ASCC3: variants seen among roughly 807,000 people sequenced by gnomAD.
ASCC3 encodes ASC-1 complex subunit P200.
ASCC3 carries 158 observed loss-of-function variants against 256.3 expected under a neutral mutation model. The ratio of observed to expected loss-of-function variants is 0.62; its 90% CI spans 0.54 to 0.70. ASCC3 has a LOEUF of 0.70. Ranked by LOEUF, ASCC3 falls within the 30% of genes least tolerant of loss-of-function variation. The probability of loss-of-function intolerance (pLI) is 0.00; values close to 1 mark genes in which losing one functional copy is unlikely to be tolerated. For missense variants in ASCC3, 2,259 were observed against 2,626.0 expected (o/e 0.86, Z 3.05); for synonymous variants, 948 against 883.4 (o/e 1.07, Z -1.30).
intron 13 of ASCC3, among the ~76,000 whole-genome samples, chr6:100,710,079 C>A (rs1347072024): frequency 6.6e-6 from 1 of 152,160 alleles, no homozygotes; most frequent in African/African-American, 2.4e-5. Flanking sequence ...TGCTCTAATT[C>A]TTCTTTGCAG....
At chr6:100,871,253 G>A (rs752680773) in intron 1 of ASCC3, among the ~76,000 whole-genome samples, 7 of 151,858 alleles carry the variant, frequency 4.6e-5, no homozygotes, top group South Asian at 2.1e-4. Context: ...GCACCACCAC[G>A]CCCGGCTAAT....
intron 36 of ASCC3, among the ~76,000 whole-genome samples, chr6:100,572,556 A>C (rs1438008377): frequency 2.0e-5 from 3 of 152,190 alleles, no homozygotes; most frequent in African/African-American, 4.8e-5. Flanking sequence ...AATAACAAAC[A>C]AACTAAGAAA....
chr6:100,642,089 G>A lies in ASCC3; in HGVS notation c.3901+492C>T, dbSNP rs140310793. Among the ~76,000 whole-genome samples, 445 of 151,472 alleles carry A rather than the reference G, an allele frequency of 2.9e-3. 1 individual carries two copies. Among genetic ancestry groups the A allele is most frequent in the Middle Eastern group, 0.01 (3 of 294 alleles). ...AATGACGAGTTAATAGGTGCAGCAC[G>A]CCAACATGGCACATGTACACATATG... On this transcript the variant is annotated intron_variant, in intron 24 of 41. Coordinates refer to ENST00000369162, the MANE Select transcript of ASCC3 (RefSeq NM_006828.4).
chr6:100,861,839 A>T lies in ASCC3; in HGVS notation c.241+2225T>A, dbSNP rs1474570938. Among the ~76,000 whole-genome samples, 10 of 152,210 alleles carry T rather than the reference A, an allele frequency of 6.6e-5. No individual in the cohort carries two copies. In the East Asian group the frequency reaches 1.7e-3, roughly 26 times the overall value. On this transcript the variant is annotated intron_variant, in intron 3 of 41. Transcript: ENST00000369162. ...ATATTTAATGACTGGTATTTAAAACAATCTTTTTTGACTTGTGGCCAGAGA... is the reference window on the plus strand; with the variant it reads ...ATATTTAATGACTGGTATTTAAAACTATCTTTTTTGACTTGTGGCCAGAGA...
rs1184228792 is a variant in ASCC3, at chr6:100,705,430, CTG to C, written c.2151+10030_2151+10031del. ...ATTCATTTGTTTATTTAAGATAAAACTGTTAATTTTTTGCCTAAAAAGTGTTT... is the reference window on the plus strand; with the variant it reads ...ATTCATTTGTTTATTTAAGATAAAACTTAATTTTTTGCCTAAAAAGTGTTT... On this transcript the variant is annotated intron_variant, in intron 13 of 41. Coordinates refer to ENST00000369162, the MANE Select transcript of ASCC3 (RefSeq NM_006828.4). 2.6e-5 allele frequency among the ~76,000 whole-genome samples: 4 copies of C among 152,086 alleles called. No individual in the cohort carries two copies. In the East Asian group the frequency reaches 7.7e-4, roughly 29 times the overall value.
At chr6:100,854,724 T>G (rs889399064) in intron 3 of ASCC3, among the ~76,000 whole-genome samples, 3 of 152,176 alleles carry the variant, frequency 2.0e-5, no homozygotes, top group African/African-American at 7.2e-5. Flanking sequence ...AATTACAATG[T>G]AACTTCCCAA....
chr6:100,725,561 A>C lies in ASCC3; in HGVS notation c.1880T>G (p.Ile627Arg). The C allele has an allele frequency of 6.2e-7, 1 of 1,612,606 alleles. No individual in the cohort carries two copies. Among genetic ancestry groups the C allele is most frequent in the African/African-American group, 1.3e-5 (1 of 74,958 alleles). The stretch of plus-strand genomic sequence containing the variant: ...TACCTGCCGTAAAGTACGGGCAACT[A>C]TGCTTTCTAATACTGGTCCTCTATC... ...HEDRGPVLES[I>R]VARTLRQVES... The change falls in exon 11 of 42, where the codon ATA becomes AGA. Residue 627 changes from isoleucine to arginine, a missense_variant. By Grantham distance (97) the Ile-to-Arg change is moderately conservative. This residue lies in a region of ASCC3 where 1,839 missense variants were observed against 2,206.7 expected (regional missense o/e 0.83). Coordinates refer to ENST00000369162, the MANE Select transcript of ASCC3 (RefSeq NM_006828.4).
At chr6:100,544,322 G>A (rs977575617) in intron 36 of ASCC3, among the ~76,000 whole-genome samples, 6 of 151,940 alleles carry the variant, frequency 3.9e-5, no homozygotes, top group African/African-American at 1.4e-4. Context: ...GAAAATTAAA[G>A]TGAACAAATC....
At chr6:100,685,285 G>C (rs1456734153) in intron 13 of ASCC3, among the ~76,000 whole-genome samples, 1 of 152,206 alleles carries the variant, frequency 6.6e-6, no homozygotes, top group Non-Finnish European at 1.5e-5. Flanking sequence ...GCTTGGGGTA[G>C]GGAGGGTCAT....
intron 13 of ASCC3, among the ~76,000 whole-genome samples, chr6:100,701,700 T>C (rs12201852): frequency 0.45 from 68,881 of 151,886 alleles, 15,839 homozygotes; most frequent in South Asian, 0.6. Context: ...AAACTATAGC[T>C]GGAATTACGA....
intron 10 of ASCC3, among the ~76,000 whole-genome samples, chr6:100,758,434 T>C (rs527343512): frequency 1.3e-5 from 2 of 152,282 alleles, no homozygotes; most frequent in African/African-American, 4.8e-5. Context: ...GTGTTCTCCC[T>C]GTGTCCATGT....
At chr6:100,750,751 C>A (rs765933373) in intron 10 of ASCC3, among the ~76,000 whole-genome samples, 1 of 151,872 alleles carries the variant, frequency 6.6e-6, no homozygotes, top group Non-Finnish European at 1.5e-5. Context: ...AGATGCTTAA[C>A]AAACAAAAGC....
chr6:100,655,187 A>C (rs1775858831), intron 17 of ASCC3, among the ~76,000 whole-genome samples: 1 of 152,074 alleles, frequency 6.6e-6, no homozygotes, highest in South Asian at 2.1e-4. Context: ...AACTGCTATC[A>C]AATGCATCTA....
chr6:100,788,798 T>G (rs886311662), intron 8 of ASCC3, among the ~76,000 whole-genome samples: 2 of 151,982 alleles, frequency 1.3e-5, no homozygotes, highest in African/African-American at 4.8e-5. Flanking sequence ...ATATGACATT[T>G]TGGAAAAGTC....
intron 13 of ASCC3, among the ~76,000 whole-genome samples, chr6:100,682,975 A>G (rs949106476): frequency 2.0e-5 from 3 of 152,126 alleles, no homozygotes; most frequent in African/African-American, 7.2e-5. Flanking sequence ...TGAATTATTA[A>G]CAACTACTGA....
intron 1 of ASCC3, among the ~76,000 whole-genome samples, chr6:100,869,201 T>C (rs973399242): frequency 2.6e-5 from 4 of 152,130 alleles, no homozygotes; most frequent in Admixed American, 1.3e-4. Context: ...CCAATGATGC[T>C]ACTAAACATA....
At chr6:100,639,488 C>T (rs1775007236) in intron 24 of ASCC3, among the ~76,000 whole-genome samples, 1 of 152,088 alleles carries the variant, frequency 6.6e-6, no homozygotes, top group African/African-American at 2.4e-5. Context: ...TTATATTTTC[C>T]ATAATCCAGA....
At chr6:100,627,773 T>C (rs1774315372) in intron 28 of ASCC3, 63 bp from the exon 29 acceptor site, 6 of 1,608,464 alleles carry the variant, frequency 3.7e-6, no homozygotes, top group Non-Finnish European at 5.1e-6. Context: ...AAGGTTATAA[T>C]ATCTCTTAAA....
chr6:100,525,156 C>CAAAA lies in ASCC3; in HGVS notation c.5776-7018_5776-7015dup, dbSNP rs57882047. Reference sequence around the variant, plus strand: ...TGGGTGACAGAGTGAGACCCTGTCTCAAAAAAAAAAAAAAAAAAAAAAAAA... The same window carrying CAAAA: ...TGGGTGACAGAGTGAGACCCTGTCTCAAAAAAAAAAAAAAAAAAAAAAAAAAAAA... On this transcript the variant is annotated intron_variant, in intron 37 of 41. Transcript: ENST00000369162. 6.8e-3 allele frequency among the ~76,000 whole-genome samples: 305 copies of CAAAA among 44,896 alleles called. 2 individuals carry two copies. The highest frequency in any genetic ancestry group is 0.01 in the South Asian group (10 of 968). The allele number at this position is 44,896 out of a possible 152,430, so 29.5% of individuals were successfully genotyped here. A position where few individuals can be genotyped will look rare whatever the true frequency, so the allele number is the denominator to read the frequency against.
Sources: allele counts gnomAD v4.1 joint callset (sites outside exome capture counted in the v4.1 genomes callset), GRCh38; gene constraint gnomAD v4.1.1; regional missense constraint gnomAD v4.1.1; transcripts MANE v1.5; gene names NCBI Gene and HGNC (gene_info 2026-07-23, HGNC 2026-07-21).